The following ROBO2 variants were observed in gnomAD, a reference collection of about 807,000 sequenced individuals.
ROBO2 encodes the protein roundabout guidance receptor 2, also known as roundabout homolog 2.
In ROBO2, 53 loss-of-function variants were observed where a neutral mutation model predicts 160.8. That is an observed-to-expected ratio of 0.33 (90% confidence interval 0.26 to 0.41). The LOEUF is 0.41. Ranked by LOEUF, ROBO2 falls within the 10% of genes least tolerant of loss-of-function variation. The pLI is 1.00. For missense variants in ROBO2, 1,577 were observed against 1,722.4 expected, an observed-to-expected ratio of 0.92 and a Z score of 1.49; for synonymous variants, 664 against 611.7, an observed-to-expected ratio of 1.09 and a Z score of -1.26.
chr3:77,266,827 T>C (rs961761371), intron 2 of ROBO2, among the ~76,000 whole-genome samples: 6 of 152,138 alleles, frequency 3.9e-5, no homozygotes, highest in Non-Finnish European at 2.9e-5. Flanking sequence ...TCAAAGTAGG[T>C]ATTTAAGCAT....
intron 2 of ROBO2, among the ~76,000 whole-genome samples, chr3:75,949,876 A>C (rs548507238): frequency 2.0e-5 from 3 of 152,118 alleles, no homozygotes; most frequent in Non-Finnish European, 4.4e-5. Context: ...CTTTATGTGC[A>C]ATGCATTTTT....
chr3:76,550,812 C>G (rs1192744692), intron 2 of ROBO2, among the ~76,000 whole-genome samples: 1 of 152,244 alleles, frequency 6.6e-6, no homozygotes, highest in Non-Finnish European at 1.5e-5. Context: ...GACATGCCAG[C>G]TCCCTGCTGC....
At chr3:76,458,973 G>C (rs1213113660) in intron 2 of ROBO2, among the ~76,000 whole-genome samples, 1 of 152,102 alleles carries the variant, frequency 6.6e-6, no homozygotes, top group Non-Finnish European at 1.5e-5. Context: ...ACCATATCAG[G>C]CTTCTTCAAA....
At chr3:77,164,903 C>CA (rs1560143862) in intron 2 of ROBO2, among the ~76,000 whole-genome samples, 3 of 90,846 alleles carry the variant, frequency 3.3e-5, no homozygotes, top group Non-Finnish European at 7.5e-5. Context: ...GTCAGCCCCC[C>CA]GCCCGGCCAG....
At chr3:76,888,210 A>C (rs1048683831) in intron 2 of ROBO2, among the ~76,000 whole-genome samples, 3 of 152,112 alleles carry the variant, frequency 2.0e-5, no homozygotes, top group African/African-American at 7.2e-5. Flanking sequence ...TCCACTAAAA[A>C]TATAAAGATT....
chr3:77,393,756 A>G (rs1360361044), intron 2 of ROBO2, among the ~76,000 whole-genome samples: 1 of 151,748 alleles, frequency 6.6e-6, no homozygotes, highest in Non-Finnish European at 1.5e-5. Context: ...GTCAACAGTC[A>G]TTATTTGCTA....
At chr3:76,042,933 G>C (rs568983394) in intron 2 of ROBO2, among the ~76,000 whole-genome samples, 1 of 151,950 alleles carries the variant, frequency 6.6e-6, no homozygotes, top group South Asian at 2.1e-4. Flanking sequence ...CAGGGAGCTC[G>C]GATTTTAAGG....
chr3:76,123,561 C>T lies in ROBO2; in HGVS notation c.109+185959C>T, dbSNP rs567733307. On this transcript the variant is annotated intron_variant, in intron 2 of 26. Transcript: ENST00000487694. ...TTAACTGGTTTATGGAAATATTACT[C>T]GCTTATTAATTATTTATTTTGCTGG... Among the ~76,000 whole-genome samples, 13 of 152,104 alleles carry T rather than the reference C, an allele frequency of 8.5e-5. No individual in the cohort carries two copies. In the South Asian group the frequency reaches 1.9e-3, roughly 22 times the overall value.
chr3:77,585,571 T>C (rs1249845599), intron 16 of ROBO2, among the ~76,000 whole-genome samples: 1 of 152,078 alleles, frequency 6.6e-6, no homozygotes, highest in Non-Finnish European at 1.5e-5. Flanking sequence ...GAATATGCTG[T>C]ACTCAAAATG....
At chr3:76,487,866 C>T (rs1015739541) in intron 2 of ROBO2, among the ~76,000 whole-genome samples, 1 of 152,196 alleles carries the variant, frequency 6.6e-6, no homozygotes, top group African/African-American at 2.4e-5. Context: ...CTCCGTGGAC[C>T]CTTTCACAAC....
At chr3:76,825,322 G>A (rs2066470696) in intron 2 of ROBO2, among the ~76,000 whole-genome samples, 2 of 152,028 alleles carry the variant, frequency 1.3e-5, no homozygotes, top group South Asian at 4.1e-4. Context: ...TCTATAATGT[G>A]CTTGCTGTTT....
At chr3:77,022,272 A>G (rs2149511785) in intron 2 of ROBO2, among the ~76,000 whole-genome samples, 1 of 152,292 alleles carries the variant, frequency 6.6e-6, no homozygotes, top group Admixed American at 6.5e-5. Flanking sequence ...CAGGAGGGTG[A>G]GGTAGGATAA....
At chr3:76,046,440 G>A (rs988344686) in intron 2 of ROBO2, among the ~76,000 whole-genome samples, 3 of 151,974 alleles carry the variant, frequency 2.0e-5, no homozygotes, top group Non-Finnish European at 4.4e-5. Context: ...ACAAGGTCAG[G>A]AGATCGAGAC....
intron 2 of ROBO2, among the ~76,000 whole-genome samples, chr3:75,977,543 C>A (rs1297132802): frequency 6.6e-6 from 1 of 151,316 alleles, no homozygotes; most frequent in Admixed American, 6.6e-5. Flanking sequence ...CTCTTTCTAC[C>A]ATATTTTATA....
At chr3:77,617,383 C>T (rs2094804202) in intron 21 of ROBO2, 130 bp from the exon 23 acceptor site, 1 of 1,023,534 alleles carries the variant, frequency 9.8e-7, no homozygotes, top group African/African-American at 1.6e-5. Flanking sequence ...ACACCAACAG[C>T]TTCAGGAAGA....
intron 2 of ROBO2, among the ~76,000 whole-genome samples, chr3:76,312,726 A>T (rs768960458): frequency 6.6e-6 from 1 of 152,230 alleles, no homozygotes; most frequent in East Asian, 1.9e-4. Flanking sequence ...AGGAGTGTTA[A>T]CTTGTATTTC....
At chr3:76,434,891 C>CA (rs1281536578) in intron 2 of ROBO2, 1 of 1,591,826 alleles carries the variant, frequency 6.3e-7, no homozygotes, top group African/African-American at 1.3e-5. Context: ...GCAGTGGCCC[C>CA]AAGCCATTCT....
At chr3:77,019,613 A>G (rs889318134) in intron 2 of ROBO2, among the ~76,000 whole-genome samples, 1 of 152,176 alleles carries the variant, frequency 6.6e-6, no homozygotes, top group African/African-American at 2.4e-5. Context: ...ATATGTAGGG[A>G]ATTCCATGAA....
chr3:75,943,177 CT>C (rs966324283), intron 2 of ROBO2, among the ~76,000 whole-genome samples: 1 of 152,084 alleles, frequency 6.6e-6, no homozygotes, highest in African/African-American at 2.4e-5. Flanking sequence ...ATAATTTAGA[CT>C]TTTTTGTTTT....
Sources: gnomAD v4.1 joint callset for allele counts (sites outside exome capture counted in the v4.1 genomes callset) on GRCh38, gnomAD v4.1.1 for gene constraint, MANE v1.5 for transcripts, NCBI Gene and HGNC (gene_info 2026-07-23, HGNC 2026-07-21) for gene names.